DNAH9: variants seen among roughly 807,000 people sequenced by gnomAD.
The protein encoded by DNAH9 is dynein axonemal heavy chain 9, also known as DNAH9 variant protein.
Under a neutral mutation model 471.6 loss-of-function variants are expected in DNAH9, and 345 were observed. The ratio of observed to expected loss-of-function variants is 0.73; its 90% CI spans 0.67 to 0.80. The LOEUF is 0.80. Ranked by LOEUF, DNAH9 falls within the 30% of genes least tolerant of loss-of-function variation. The pLI, the probability that DNAH9 is intolerant of heterozygous loss-of-function variation, is 0.00. For missense variants in DNAH9, 5,407 were observed against 5,609.2 expected (o/e 0.96, Z 1.15); for synonymous variants, 2,093 against 2,123.6 (o/e 0.99, Z 0.40).
At chr17:11,729,882 A>G (rs2150817640) in intron 28 of DNAH9, among the ~76,000 whole-genome samples, 1 of 152,338 alleles carries the variant, frequency 6.6e-6, no homozygotes, top group South Asian at 2.1e-4. Flanking sequence ...GCTGAACAGC[A>G]GTAGGGCTCA....
chr17:11,617,577 G>A lies in DNAH9; in HGVS notation c.1071G>A (p.Arg357=). Residue 357 remains arginine (R), a synonymous_variant, in exon 5 of 69, where the codon AGG becomes AGA. Coordinates refer to ENST00000262442, the MANE Select transcript of DNAH9 (RefSeq NM_001372.4). ...GCAAGTCCTACCGCTCCCCGGGAAG[G>A]CTGACTGTGCTGCTCCAGGAGATTT... ...ATCKSYRSPG[R]LTVLLQEICN... is the part of the protein sequence containing the mutation. 1 of 1,614,146 alleles carries A rather than the reference G, an allele frequency of 6.2e-7. No individual in the cohort carries two copies. The highest frequency in any genetic ancestry group is 8.5e-7 in the Non-Finnish European group (1 of 1,180,040).
chr17:11,613,751 T>G (rs1273993459), intron 4 of DNAH9, among the ~76,000 whole-genome samples: 2 of 152,226 alleles, frequency 1.3e-5, no homozygotes, highest in Non-Finnish European at 2.9e-5. Context: ...GAGAAAAATA[T>G]GAAGTAAGCA....
chr17:11,848,602 A>T (rs1411938944), intron 49 of DNAH9, among the ~76,000 whole-genome samples: 1 of 152,082 alleles, frequency 6.6e-6, no homozygotes, highest in South Asian at 2.1e-4. Flanking sequence ...TTGTACAAAG[A>T]ATACTAAAAA....
chr17:11,699,863 C>T lies in DNAH9; in HGVS notation c.5005C>T (p.Pro1669Ser), dbSNP rs777948296. Reference sequence around the variant, plus strand: ...AGAGGAGTATGTGGCTTTCAGTGAGCCCTGTGACTGCAGCGGGCAGGTAAC... The same window carrying T: ...AGAGGAGTATGTGGCTTTCAGTGAGTCCTGTGACTGCAGCGGGCAGGTAAC... ...KEEEYVAFSE[P>S]CDCSGQVEIW... Residue 1669 changes from proline to serine, a missense_variant, in exon 23 of 69, where the codon CCC becomes TCC. Transcript: ENST00000262442. 2.5e-6 allele frequency: 4 copies of T among 1,614,178 alleles called. No individual in the cohort carries two copies. Among genetic ancestry groups the T allele is most frequent in the Non-Finnish European group, 3.4e-6 (4 of 1,180,014 alleles).
At chr17:11,804,853 G>T (rs1343085348) in intron 43 of DNAH9, among the ~76,000 whole-genome samples, 1 of 150,182 alleles carries the variant, frequency 6.7e-6, no homozygotes, top group East Asian at 2.0e-4. Flanking sequence ...CAGCCTGGAC[G>T]ACAGAGCGAG....
Position 11,812,677 on chromosome 17 carries a change from C to A in DNAH9, c.8707+2308C>A, listed in dbSNP as rs146361976. On this transcript the variant is annotated intron_variant, in intron 45 of 68. Coordinates refer to ENST00000262442, the MANE Select transcript of DNAH9 (RefSeq NM_001372.4). ...GGCTGCTAGCCTTGCACTCATACCA[C>A]CCTCATTCCCTTCCCTCCCTGCCCT... 1.6e-3 allele frequency among the ~76,000 whole-genome samples: 241 copies of A among 152,140 alleles called. 1 individual carries two copies. The highest frequency in any genetic ancestry group is 7.6e-4 in the Non-Finnish European group (52 of 67,998).
chr17:11,651,169 G>C lies in DNAH9; in HGVS notation c.2198G>C (p.Arg733Pro). ...ATGTTCTCCTCCAGGGATTTCTATC[G>C]GCAGCTTGTGGCTAATTTAGAGTTG... The part of the protein sequence containing the change: ...AAMFSSRDFY[R>P]QLVANLELMA... Residue 733 changes from arginine to proline, a missense_variant, in exon 13 of 69, where the codon CGG (arginine) becomes CCG (proline). By Grantham distance (103) the Arg-to-Pro change is moderately radical (BLOSUM62 -2). Around this residue, in one of 3 missense-constraint regions of DNAH9, gnomAD observed 4,636 missense variants for 4,900.3 expected, o/e 0.95. Coordinates refer to ENST00000262442, the MANE Select transcript of DNAH9 (RefSeq NM_001372.4). The C allele has an allele frequency of 1.9e-6, 3 of 1,614,020 alleles. No homozygotes were observed. The highest frequency in any genetic ancestry group is 2.5e-6 in the Non-Finnish European group (3 of 1,180,010).
intron 22 of DNAH9, 63 bp downstream of exon 22, chr17:11,694,510 G>T (rs1459785146): frequency 6.3e-7 from 1 of 1,588,312 alleles, no homozygotes; most frequent in East Asian, 2.2e-5. Flanking sequence ...GCAGGAGGCA[G>T]TTTCTGGCTC....
chr17:11,620,870 C>T (rs760431340), intron 6 of DNAH9, among the ~76,000 whole-genome samples: 2 of 152,136 alleles, frequency 1.3e-5, no homozygotes, highest in African/African-American at 2.4e-5. Flanking sequence ...ATGACTTTTG[C>T]TCAAAGTTAT....
intron 19 of DNAH9, among the ~76,000 whole-genome samples, chr17:11,687,131 G>C (rs979648808): frequency 1.3e-5 from 2 of 152,078 alleles, no homozygotes; most frequent in Non-Finnish European, 2.9e-5. Context: ...TATATGTAGA[G>C]AGACAGGGCC....
chr17:11,637,920 C>G (rs2073194509), intron 9 of DNAH9, among the ~76,000 whole-genome samples: 1 of 152,014 alleles, frequency 6.6e-6, no homozygotes, highest in Admixed American at 6.6e-5. Context: ...GAGCTGAGCC[C>G]TAAAAGTTGG....
At position 11,937,242 on chromosome 17, in the gene DNAH9, C is replaced by T; in HGVS notation, c.12490-110C>T. 3.0e-6 allele frequency: 4 copies of T among 1,331,540 alleles called. No homozygotes were observed. The highest frequency in any genetic ancestry group is 1.6e-5 in the South Asian group (1 of 62,256). The allele number at this position is 1,331,540 out of a possible 1,614,324, so 82.5% of individuals were successfully genotyped here. A position where few individuals can be genotyped will look rare whatever the true frequency, so the allele number is the denominator to read the frequency against. On this transcript the variant is annotated intron_variant, in intron 65 of 68. Transcript: ENST00000262442. The surrounding 1 kb of genome is among the most constrained non-coding windows in gnomAD (Gnocchi z 4.1). ...TCAACCAGGGATGGTGAGCAGTGTC[C>T]CCTGGAGGAGGGATACTAGCCCATG...
intron 32 of DNAH9, among the ~76,000 whole-genome samples, chr17:11,750,683 CA>C (rs1322782904): frequency 4.6e-5 from 7 of 152,020 alleles, no homozygotes; most frequent in Admixed American, 3.3e-4. Context: ...ATTCCTGTAT[CA>C]AAAAGGAAAT....
intron 18 of DNAH9, 121 bp from the exon 19 acceptor site, chr17:11,680,602 C>T: frequency 1.3e-6 from 1 of 790,788 alleles, no homozygotes; most frequent in Non-Finnish European, 2.0e-6. Flanking sequence ...GAAGATGACA[C>T]CACCACACCA....
chr17:11,919,064 GA>G (rs1430685498), intron 61 of DNAH9, among the ~76,000 whole-genome samples: 9 of 152,144 alleles, frequency 5.9e-5, no homozygotes, highest in Non-Finnish European at 1.0e-4. Flanking sequence ...TGACAGGCAG[GA>G]AGGGAGGAGG....
chr17:11,768,539 C>T lies in DNAH9; in HGVS notation c.7257C>T (p.Asp2419=), dbSNP rs753211145. 4.3e-6 allele frequency: 7 copies of T among 1,614,068 alleles called. No individual in the cohort carries two copies. Among genetic ancestry groups the T allele is most frequent in the African/African-American group, 4.0e-5 (3 of 74,924 alleles). The change falls in exon 37 of 69, where the codon GAC becomes GAT. Residue 2419 remains aspartate (D), a synonymous_variant. Coordinates refer to ENST00000262442, the MANE Select transcript of DNAH9 (RefSeq NM_001372.4). ...VKFPSQGTIF[D]YYIDPETKKF... is the part of the protein sequence containing the mutation. ...TTCCTTCCCAAGGAACCATCTTTGACTATTACATCGACCCAGAGACCAAGA... is the reference window on the plus strand; with the variant it reads ...TTCCTTCCCAAGGAACCATCTTTGATTATTACATCGACCCAGAGACCAAGA...
At chr17:11,843,752 A>G (rs935506156) in intron 49 of DNAH9, among the ~76,000 whole-genome samples, 1 of 150,380 alleles carries the variant, frequency 6.6e-6, no homozygotes, top group Admixed American at 6.6e-5. Flanking sequence ...GACAAGAAAA[A>G]CTTTCAGATT....
At chr17:11,750,948 GATAA>G (rs1445695042) in intron 32 of DNAH9, among the ~76,000 whole-genome samples, 11 of 151,916 alleles carry the variant, frequency 7.2e-5, no homozygotes, top group African/African-American at 2.2e-4. Flanking sequence ...TTATATAAAA[GATAA>G]ATAAATGTAA....
At chr17:11,902,597 G>T in intron 59 of DNAH9, 122 bp from the exon 60 acceptor site, 1 of 970,168 alleles carries the variant, frequency 1.0e-6, no homozygotes, top group Admixed American at 2.4e-5. Context: ...CAAAGCTCTA[G>T]ACAAGAGTAT....
Sources: allele counts gnomAD v4.1 joint callset (sites outside exome capture counted in the v4.1 genomes callset), GRCh38; gene constraint gnomAD v4.1.1; regional missense constraint gnomAD v4.1.1; non-coding constraint Gnocchi (gnomAD v3.1); transcripts MANE v1.5; gene names NCBI Gene and HGNC (gene_info 2026-07-23, HGNC 2026-07-21).